Variants in IKZF2 observed in about 807,000 individuals in gnomAD.
IKZF2 encodes IKAROS family zinc finger 2.
Under a neutral mutation model 49.2 loss-of-function variants are expected in IKZF2, and 15 were observed. The observed-to-expected ratio is 0.30, with a 90% CI of 0.20 to 0.47. IKZF2 has a LOEUF of 0.47. Ranked by LOEUF, IKZF2 falls within the 20% of genes least tolerant of loss-of-function variation. The pLI is 1.00. For synonymous variants in IKZF2, 227 were observed against 221.4 expected (o/e 1.03, Z -0.23); for missense variants, 567 against 664.6 (o/e 0.85, Z 1.61).
At chr2:213,023,655 A>C (rs1697477197) in intron 6 of IKZF2, among the ~76,000 whole-genome samples, 1 of 152,216 alleles carries the variant, frequency 6.6e-6, no homozygotes, top group African/African-American at 2.4e-5. Context: ...CATAACAAAA[A>C]GTATCTGTTT....
At chr2:213,021,357 T>C (rs1697199163) in intron 7 of IKZF2, 1 of 153,942 alleles carries the variant, frequency 6.5e-6, no homozygotes, top group African/African-American at 2.4e-5. Flanking sequence ...ACATTACAAA[T>C]CTTAAGAACT....
Position 213,150,155 on chromosome 2 carries a change from T to A in IKZF2, c.-27A>T, listed in dbSNP as rs914599317. 2 of 1,302,082 alleles carry A rather than the reference T, an allele frequency of 1.5e-6. No homozygotes were observed. Among genetic ancestry groups the A allele is most frequent in the African/African-American group, 3.0e-5 (2 of 65,940 alleles). 80.7% of individuals were successfully genotyped at this position (1,302,082 alleles called of 1,614,324 possible). On this transcript the variant is annotated 5_prime_UTR_variant, in exon 2 of 9. Transcript: ENST00000434687. ...CGAAATGTACATACAAAAGAAATTG[T>A]CCTTTGATTAAAAAAGATTCATCAC...
intron 4 of IKZF2, among the ~76,000 whole-genome samples, chr2:213,072,883 T>C (rs1472055517): frequency 6.6e-6 from 1 of 152,140 alleles, no homozygotes; most frequent in Non-Finnish European, 1.5e-5. Flanking sequence ...AGTTAGAGAC[T>C]GAATTTATGC....
At chr2:213,032,769 C>G (rs1698598857) in intron 6 of IKZF2, among the ~76,000 whole-genome samples, 1 of 152,178 alleles carries the variant, frequency 6.6e-6, no homozygotes, top group South Asian at 2.1e-4. Flanking sequence ...TCAGACTCAT[C>G]ATCTTTCCAC....
At chr2:213,149,046 C>T (rs771977943) in intron 2 of IKZF2, among the ~76,000 whole-genome samples, 1 of 152,150 alleles carries the variant, frequency 6.6e-6, no homozygotes, top group Non-Finnish European at 1.5e-5. Context: ...ACAGATAGCT[C>T]TATTCACAAT....
rs543026332 is a variant in IKZF2, at chr2:213,121,792, G to T, written c.139+25916C>A. On this transcript the variant is annotated intron_variant, in intron 4 of 8. Transcript: ENST00000434687. ...GAATAATATCTGTTTCCATTCTGAA[G>T]AGTTCCTTCTCAGTTTGGTTAGAAC... 4.3e-4 allele frequency among the ~76,000 whole-genome samples: 66 copies of T among 152,330 alleles called. No individual in the cohort carries two copies. In the South Asian group the frequency reaches 0.013, roughly 31 times the overall value.
At chr2:213,130,143 T>C (rs1318842191) in intron 4 of IKZF2, among the ~76,000 whole-genome samples, 1 of 152,206 alleles carries the variant, frequency 6.6e-6, no homozygotes, top group African/African-American at 2.4e-5. Flanking sequence ...ATCTTGTTGT[T>C]CTATCAAAAG....
rs1256576003 is a variant in IKZF2 at position 213,148,602 on chromosome 2, T to C, written c.28A>G (p.Ile10Val). 5.0e-6 allele frequency: 8 copies of C among 1,611,030 alleles called. No homozygotes were observed. The highest frequency in any genetic ancestry group is 6.8e-6 in the Non-Finnish European group (8 of 1,177,270). The part of the protein sequence containing the change: METEAIDGY[I>V]TCDNELSPER... ...AATGAAAACTAATACTTACACGTTA[T>C]ATAGCCATCAATAGCCTCTGTTTCC... Residue 10 changes from isoleucine (I) to valine (V), a missense_variant, in exon 3 of 9, where the codon ATA (isoleucine) becomes GTA (valine). Ile to Val is a conservative substitution (Grantham distance 29). Around this residue, in one of 5 missense-constraint regions of IKZF2, gnomAD observed 156 missense variants for 138.5 expected, o/e 1.13. Transcript: ENST00000434687.
At chr2:213,061,123 C>T (rs1008208517) in intron 4 of IKZF2, among the ~76,000 whole-genome samples, 3 of 151,498 alleles carry the variant, frequency 2.0e-5, no homozygotes, top group Non-Finnish European at 4.4e-5. Flanking sequence ...GAAGTAAAGA[C>T]ACTTGCACAG....
chr2:213,138,588 G>A (rs955844299), intron 4 of IKZF2, among the ~76,000 whole-genome samples: 3 of 151,944 alleles, frequency 2.0e-5, no homozygotes, highest in African/African-American at 7.2e-5. Context: ...CTCCTACAAT[G>A]CATACAATGC....
At chr2:213,035,148 T>C (rs570814627) in intron 6 of IKZF2, among the ~76,000 whole-genome samples, 40 of 152,302 alleles carry the variant, frequency 2.6e-4, no homozygotes, top group African/African-American at 7.7e-4. Context: ...AATTAGGAAA[T>C]AGTTGTACCT....
intron 7 of IKZF2, among the ~76,000 whole-genome samples, chr2:213,019,571 GA>G (rs1696984667): frequency 6.6e-6 from 1 of 152,162 alleles, no homozygotes. Flanking sequence ...AACAAACCCA[GA>G]AAAAGTATGG....
At chr2:213,045,625 A>T (rs929663230) in intron 6 of IKZF2, among the ~76,000 whole-genome samples, 3 of 152,208 alleles carry the variant, frequency 2.0e-5, no homozygotes, top group African/African-American at 7.2e-5. Flanking sequence ...TCAGTAAGAG[A>T]TATATGCTAT....
intron 4 of IKZF2, among the ~76,000 whole-genome samples, chr2:213,059,153 G>A (rs866901950): frequency 2.6e-5 from 4 of 151,578 alleles, no homozygotes; most frequent in African/African-American, 4.8e-5. Flanking sequence ...ATGTTGAAAC[G>A]TTCTTTATTT....
intron 4 of IKZF2, among the ~76,000 whole-genome samples, chr2:213,089,029 C>T (rs990815960): frequency 3.9e-5 from 6 of 152,114 alleles, no homozygotes; most frequent in East Asian, 3.9e-4. Context: ...TCCTGGCTCT[C>T]GAATCCTTTG....
At chr2:213,080,437 A>G (rs1703820590) in intron 4 of IKZF2, among the ~76,000 whole-genome samples, 1 of 152,176 alleles carries the variant, frequency 6.6e-6, no homozygotes, top group South Asian at 2.1e-4. Context: ...AACGAGGAGA[A>G]CAAATCAATC....
chr2:213,148,786 T>C (rs1239367122), intron 2 of IKZF2, 142 bp from the exon 3 acceptor site: 2 of 602,792 alleles, frequency 3.3e-6, no homozygotes, highest in South Asian at 2.2e-5. Context: ...GTGTACTGTA[T>C]GTGCTCATTT....
intron 4 of IKZF2, among the ~76,000 whole-genome samples, chr2:213,084,606 G>GAAA (rs11450425): frequency 1.1e-4 from 16 of 149,748 alleles, no homozygotes; most frequent in Admixed American, 3.3e-4. Flanking sequence ...AAAAGAAATT[G>GAAA]AAAAAAAAAA....
At chr2:213,038,013 T>TA (rs3069569) in intron 6 of IKZF2, among the ~76,000 whole-genome samples, 1 of 148,226 alleles carries the variant, frequency 6.7e-6, no homozygotes, top group African/African-American at 2.5e-5. Flanking sequence ...TTTCTATCCT[T>TA]AAAAAAAAAA....
Sources: gnomAD v4.1 joint callset for allele counts (sites outside exome capture counted in the v4.1 genomes callset) on GRCh38, gnomAD v4.1.1 for gene constraint, gnomAD v4.1.1 regional missense constraint, MANE v1.5 for transcripts, NCBI Gene and HGNC (gene_info 2026-07-23, HGNC 2026-07-21) for gene names.